SGPP2: variants seen among roughly 807,000 people sequenced by gnomAD.
SGPP2 encodes the protein sphingosine 1-phosphate phosphohydrolase 2.
SGPP2 carries 30 observed loss-of-function variants against 33.9 expected under a neutral mutation model. The ratio of observed to expected loss-of-function variants is 0.89; its 90% CI spans 0.66 to 1.20. SGPP2 has a LOEUF of 1.20. Ranked by LOEUF, SGPP2 falls within the 50% of genes most tolerant of loss-of-function variation. SGPP2 has a pLI of 0.00. For missense variants in SGPP2, 458 were observed against 532.1 expected (o/e 0.86, Z 1.37); for synonymous variants, 233 against 225.0 (o/e 1.04, Z -0.32).
chr2:222,477,862 T>A lies in SGPP2; in HGVS notation c.378+3136T>A, dbSNP rs548588305. Among the ~76,000 whole-genome samples the A allele has an allele frequency of 2.0e-5, 3 of 152,266 alleles. No homozygotes were observed. In the East Asian group the frequency reaches 5.8e-4, roughly 29 times the overall value. On this transcript the variant is annotated intron_variant, in intron 2 of 4. Transcript: ENST00000321276. This position sits in a 1 kb window ranked among gnomAD's most constrained non-coding sequence, Gnocchi z 6.0. ...TCACTTCAAAGCGTCAGAGTGCTTG[T>A]CTGAGGCAAAATGACAAGCTTTTGT... is the stretch of plus-strand genomic sequence containing the variant.
intron 1 of SGPP2, among the ~76,000 whole-genome samples, chr2:222,441,683 G>A (rs1167421574): frequency 1.3e-5 from 2 of 152,004 alleles, no homozygotes; most frequent in Non-Finnish European, 2.9e-5. Flanking sequence ...TTTACAATAC[G>A]AAGGTAGGAA....
intron 2 of SGPP2, among the ~76,000 whole-genome samples, chr2:222,512,595 G>A (rs1346790067): frequency 6.6e-6 from 1 of 152,132 alleles, no homozygotes; most frequent in African/African-American, 2.4e-5. Flanking sequence ...ATACAGAATA[G>A]TTTCACTATC....
At chr2:222,435,728 T>C (rs1292015964) in intron 1 of SGPP2, among the ~76,000 whole-genome samples, 3 of 152,240 alleles carry the variant, frequency 2.0e-5, no homozygotes, top group African/African-American at 7.2e-5. Context: ...GGTATTTTCT[T>C]AGTACAAGTG....
intron 2 of SGPP2, among the ~76,000 whole-genome samples, chr2:222,508,358 A>C (rs892928531): frequency 2.0e-5 from 3 of 152,194 alleles, no homozygotes; most frequent in Admixed American, 6.5e-5. Flanking sequence ...TTGGAATCAG[A>C]AAACCAAATT....
intron 1 of SGPP2, among the ~76,000 whole-genome samples, chr2:222,446,698 C>A (rs1257173113): frequency 6.6e-6 from 1 of 152,160 alleles, no homozygotes; most frequent in Non-Finnish European, 1.5e-5. Flanking sequence ...TTTGGCTAAA[C>A]AGTGGAATAA....
intron 2 of SGPP2, among the ~76,000 whole-genome samples, chr2:222,487,411 A>G (rs1359153545): frequency 6.6e-6 from 1 of 152,212 alleles, no homozygotes; most frequent in Non-Finnish European, 1.5e-5. Flanking sequence ...TCTGGGCCTC[A>G]GTTCAACCAT....
chr2:222,499,647 T>C (rs973949463), intron 2 of SGPP2, among the ~76,000 whole-genome samples: 6 of 152,068 alleles, frequency 3.9e-5, no homozygotes, highest in Non-Finnish European at 8.8e-5. Flanking sequence ...AGTTGGGGCA[T>C]TGGGGGAAAG....
chr2:222,545,109 G>A (rs2106151448), intron 4 of SGPP2, among the ~76,000 whole-genome samples: 1 of 152,210 alleles, frequency 6.6e-6, no homozygotes, highest in South Asian at 2.1e-4. Flanking sequence ...TAGAAGAGAG[G>A]AAAGATTTTA....
intron 2 of SGPP2, among the ~76,000 whole-genome samples, chr2:222,484,093 AG>A (rs1698068923): frequency 6.6e-6 from 1 of 152,222 alleles, no homozygotes; most frequent in Admixed American, 6.5e-5. Context: ...AATAAGGAAA[AG>A]GTTTGGTTTT....
chr2:222,504,639 A>G (rs987916750), intron 2 of SGPP2: 5 of 152,260 alleles, frequency 3.3e-5, no homozygotes, highest in African/African-American at 9.6e-5. Context: ...AAATGAAGGT[A>G]GGATTTCAAT....
upstream of SGPP2, chr2:222,424,476 C>A (rs1209913435): frequency 6.0e-6 from 3 of 498,550 alleles, no homozygotes; most frequent in African/African-American, 2.1e-5. Flanking sequence ...TGGCTGGGCC[C>A]GGGGCCCCGC....
At chr2:222,444,494 T>C (rs750384518) in intron 1 of SGPP2, among the ~76,000 whole-genome samples, 6 of 152,196 alleles carry the variant, frequency 3.9e-5, no homozygotes, top group Non-Finnish European at 8.8e-5. Flanking sequence ...GTGGATACAA[T>C]GTGCCAGACT....
intron 4 of SGPP2, among the ~76,000 whole-genome samples, chr2:222,556,337 G>A (rs1689398553): frequency 6.6e-6 from 1 of 152,002 alleles, no homozygotes; most frequent in African/African-American, 2.4e-5. Flanking sequence ...GAAGCGTGAG[G>A]GGATGGTGGA....
intron 4 of SGPP2, among the ~76,000 whole-genome samples, chr2:222,542,383 A>G (rs1699011366): frequency 6.6e-6 from 1 of 152,132 alleles, no homozygotes; most frequent in Non-Finnish European, 1.5e-5. Context: ...ACTTTCTTTT[A>G]TGTGCCTTTT....
chr2:222,424,753 C>CT lies in SGPP2; in HGVS notation c.152dup (p.Ala53ArgfsTer62). Reference sequence around the variant, plus strand: ...GGCGCGGGTCCCCGGGGTCGAGCATCTCCCCGCAGCCAACGGCAAGGGCGG... The same window carrying CT: ...GGCGCGGGTCCCCGGGGTCGAGCATCTTCCCCGCAGCCAACGGCAAGGGCGG... On this transcript the variant is annotated frameshift_variant, in exon 1 of 5. Coordinates refer to ENST00000321276, the MANE Select transcript of SGPP2 (RefSeq NM_152386.4). LOFTEE classifies it high-confidence loss of function. 2 of 1,413,500 alleles carry CT rather than the reference C, an allele frequency of 1.4e-6. No individual in the cohort carries two copies. The highest frequency in any genetic ancestry group is 1.8e-6 in the Non-Finnish European group (2 of 1,085,792). 87.6% of individuals were successfully genotyped at this position (1,413,500 alleles called of 1,614,324 possible).
chr2:222,502,186 C>T (rs1698377489), intron 2 of SGPP2, among the ~76,000 whole-genome samples: 1 of 152,182 alleles, frequency 6.6e-6, no homozygotes, highest in African/African-American at 2.4e-5. Flanking sequence ...CACCAGGAAT[C>T]AGGATATATA....
chr2:222,445,386 C>T (rs370221696), intron 1 of SGPP2, among the ~76,000 whole-genome samples: 2 of 152,346 alleles, frequency 1.3e-5, no homozygotes, highest in East Asian at 1.9e-4. Flanking sequence ...TTTCCAGTTC[C>T]AGTTGCTTCC....
At chr2:222,485,765 G>A (rs1340710263) in intron 2 of SGPP2, among the ~76,000 whole-genome samples, 1 of 152,200 alleles carries the variant, frequency 6.6e-6, no homozygotes, top group Non-Finnish European at 1.5e-5. Context: ...GTGACAAGGA[G>A]CCTCCAACTC....
At chr2:222,500,733 A>G (rs1306086694) in intron 2 of SGPP2, among the ~76,000 whole-genome samples, 2 of 152,196 alleles carry the variant, frequency 1.3e-5, no homozygotes, top group African/African-American at 2.4e-5. Context: ...TCCTGTGATT[A>G]TGGCTCCCAT....
Sources: allele counts gnomAD v4.1 joint callset (sites outside exome capture counted in the v4.1 genomes callset), GRCh38; gene constraint gnomAD v4.1.1; non-coding constraint Gnocchi (gnomAD v3.1); transcripts MANE v1.5; gene names NCBI Gene and HGNC (gene_info 2026-07-23, HGNC 2026-07-21).